E2F3: variants seen among roughly 807,000 people sequenced by gnomAD.
E2F3 encodes the protein E2F transcription factor 3.
E2F3 carries 11 observed loss-of-function variants against 44.4 expected under a neutral mutation model. The observed-to-expected ratio is 0.25, with a 90% CI of 0.16 to 0.41. The LOEUF (loss-of-function observed/expected upper bound fraction) is 0.41. Ranked by LOEUF, E2F3 falls within the 10% of genes least tolerant of loss-of-function variation. The pLI is 1.00. For synonymous variants in E2F3, 249 were observed against 253.0 expected (o/e 0.98, Z 0.15); for missense variants, 487 against 583.6 (o/e 0.83, Z 1.70).
intron 1 of E2F3, among the ~76,000 whole-genome samples, chr6:20,428,778 G>A (rs556988813): frequency 1.1e-4 from 17 of 152,116 alleles, no homozygotes; most frequent in Non-Finnish European, 2.2e-4. Context: ...TAATTGTTCC[G>A]TAAATATATT....
chr6:20,472,026 A>T (rs1761907093), intron 1 of E2F3, among the ~76,000 whole-genome samples: 1 of 5,484 alleles, frequency 1.8e-4, no homozygotes, highest in South Asian at 8.8e-3. Flanking sequence ...CCCCCCTCCA[A>T]CACACACACA....
rs60408508 is a variant in E2F3, at chr6:20,493,078, C to A, written c.*2648C>A. On this transcript the variant is annotated 3_prime_UTR_variant, in exon 7 of 7. Coordinates refer to ENST00000346618, the MANE Select transcript of E2F3 (RefSeq NM_001949.5). ...TATGTACAGAGTTGTGCATAGCAAT[C>A]GTTTTATTTAAGTTGATATGTAGTC... 5.6e-4 allele frequency: 123 copies of A among 217,774 alleles called. No homozygotes were observed. Among genetic ancestry groups the A allele is most frequent in the Non-Finnish European group, 9.9e-4 (107 of 108,158 alleles). 13.5% of individuals were successfully genotyped at this position (217,774 alleles called of 1,614,324 possible). A position where few individuals can be genotyped will look rare whatever the true frequency, so the allele number is the denominator to read the frequency against.
intron 1 of E2F3, among the ~76,000 whole-genome samples, chr6:20,422,343 G>A (rs1760057137): frequency 6.6e-6 from 1 of 152,202 alleles, no homozygotes; most frequent in Admixed American, 6.5e-5. Context: ...TTTGGCTTAA[G>A]GGAATGTTGT....
At chr6:20,427,827 A>G (rs900628402) in intron 1 of E2F3, among the ~76,000 whole-genome samples, 1 of 152,134 alleles carries the variant, frequency 6.6e-6, no homozygotes, top group Non-Finnish European at 1.5e-5. Flanking sequence ...TGCATCTCTG[A>G]TAGTGCTCTT....
At position 20,491,512 on chromosome 6, in the gene E2F3, A is replaced by G. The variant is rs1440547453; in HGVS notation, c.*1082A>G. ...GGGTGGCCCATTGGAAAGGAGAACC[A>G]GGTCAGATGATGTAACAGCCCCAAG... is the stretch of plus-strand genomic sequence containing the variant. On this transcript the variant is annotated 3_prime_UTR_variant, in exon 7 of 7. Transcript: ENST00000346618. 3 of 218,158 alleles carry G rather than the reference A, an allele frequency of 1.4e-5. No individual in the cohort carries two copies. Among genetic ancestry groups the G allele is most frequent in the Non-Finnish European group, 2.8e-5 (3 of 108,280 alleles). The allele number at this position is 218,158 out of a possible 1,614,324, so 13.5% of individuals were successfully genotyped here.
intron 1 of E2F3, among the ~76,000 whole-genome samples, chr6:20,416,704 A>G (rs1759858059): frequency 6.6e-6 from 1 of 152,144 alleles, no homozygotes; most frequent in Non-Finnish European, 1.5e-5. Context: ...TGTGTGAATC[A>G]GTGTTTGGGA....
At chr6:20,415,933 C>T (rs147294009) in intron 1 of E2F3, among the ~76,000 whole-genome samples, 1,772 of 152,252 alleles carry the variant, frequency 0.012, 21 homozygotes, top group Non-Finnish European at 0.016. Context: ...AATTTAAGAG[C>T]GACTTTCTGC....
intron 1 of E2F3, among the ~76,000 whole-genome samples, chr6:20,441,833 G>A (rs184147382): frequency 6.6e-6 from 1 of 150,844 alleles, no homozygotes; most frequent in East Asian, 2.0e-4. Flanking sequence ...CTCCCAACGT[G>A]CTGGGATTAT....
intron 1 of E2F3, among the ~76,000 whole-genome samples, chr6:20,449,655 G>A (rs1376097706): frequency 6.6e-6 from 1 of 152,060 alleles, no homozygotes; most frequent in Non-Finnish European, 1.5e-5. Flanking sequence ...GGGTACATCT[G>A]CAGGTTTGTT....
At chr6:20,482,090 G>A (rs576358091) in intron 3 of E2F3, among the ~76,000 whole-genome samples, 10 of 152,224 alleles carry the variant, frequency 6.6e-5, no homozygotes, top group African/African-American at 2.2e-4. Context: ...TCTGTTACAG[G>A]AGGGCTTTGA....
At chr6:20,414,879 A>G (rs1759791857) in intron 1 of E2F3, among the ~76,000 whole-genome samples, 2 of 152,220 alleles carry the variant, frequency 1.3e-5, no homozygotes, top group African/African-American at 2.4e-5. Flanking sequence ...ACGCTCTGCC[A>G]ATTACCGTGT....
intron 1 of E2F3, among the ~76,000 whole-genome samples, chr6:20,478,965 A>G (rs988801261): frequency 6.6e-6 from 1 of 152,184 alleles, no homozygotes; most frequent in African/African-American, 2.4e-5. Context: ...TTAACCATCT[A>G]TCTTTTCTCT....
chr6:20,408,211 C>T (rs543474637), intron 1 of E2F3, among the ~76,000 whole-genome samples: 1 of 152,310 alleles, frequency 6.6e-6, no homozygotes, highest in East Asian at 1.9e-4. Context: ...CTTCTTCCTA[C>T]CCTGACCCTC....
At chr6:20,455,393 A>C (rs1237909910) in intron 1 of E2F3, among the ~76,000 whole-genome samples, 3 of 152,192 alleles carry the variant, frequency 2.0e-5, no homozygotes, top group African/African-American at 7.2e-5. Context: ...TGCATTTAGC[A>C]GATTGATTCC....
intron 1 of E2F3, among the ~76,000 whole-genome samples, chr6:20,444,586 TCTGC>T (rs1330766550): frequency 6.6e-6 from 1 of 152,196 alleles, no homozygotes; most frequent in African/African-American, 2.4e-5. Context: ...TTCCATTGTG[TCTGC>T]CTGCCTTGTT....
intron 1 of E2F3, among the ~76,000 whole-genome samples, chr6:20,415,470 C>T (rs968504433): frequency 1.2e-4 from 18 of 152,142 alleles, no homozygotes; most frequent in African/African-American, 4.1e-4. Flanking sequence ...AGCAGGATCC[C>T]TGGCCTCCGC....
intron 1 of E2F3, among the ~76,000 whole-genome samples, chr6:20,409,365 A>AT (rs1489530337): frequency 6.6e-6 from 1 of 152,236 alleles, no homozygotes; most frequent in African/African-American, 2.4e-5. Context: ...TGATAGTAAT[A>AT]TTTTTAAAGA....
chr6:20,404,309 T>A (rs1759419456), intron 1 of E2F3, among the ~76,000 whole-genome samples: 2 of 152,194 alleles, frequency 1.3e-5, no homozygotes, highest in Non-Finnish European at 2.9e-5. Flanking sequence ...CTTCTCTTTT[T>A]GTTGGTACTA....
intron 1 of E2F3, among the ~76,000 whole-genome samples, chr6:20,428,127 G>A (rs955910855): frequency 2.6e-5 from 4 of 152,214 alleles, no homozygotes; most frequent in African/African-American, 9.6e-5. Context: ...GAGGGAGGTG[G>A]TTAAGGGCTT....
Sources: allele counts gnomAD v4.1 joint callset (sites outside exome capture counted in the v4.1 genomes callset), GRCh38; gene constraint gnomAD v4.1.1; transcripts MANE v1.5; gene names NCBI Gene and HGNC (gene_info 2026-07-23, HGNC 2026-07-21).